KCNH4: variants seen among roughly 807,000 people sequenced by gnomAD.
KCNH4 encodes potassium voltage-gated channel subfamily H member 4.
Under a neutral mutation model 90.7 loss-of-function variants are expected in KCNH4, and 33 were observed. The ratio of observed to expected loss-of-function variants is 0.36; its 90% CI spans 0.28 to 0.49. The LOEUF is 0.49. Ranked by LOEUF, KCNH4 falls within the 20% of genes least tolerant of loss-of-function variation. The pLI is 0.98. For missense variants in KCNH4, 1,044 were observed against 1,387.1 expected (o/e 0.75, Z 3.93); for synonymous variants, 551 against 581.7 (o/e 0.95, Z 0.76).
chr17:42,161,297 G>C (rs1396671078), intron 15 of KCNH4, among the ~76,000 whole-genome samples: 1 of 152,194 alleles, frequency 6.6e-6, no homozygotes, highest in African/African-American at 2.4e-5. Flanking sequence ...CTGAGGCCTT[G>C]AGCGGACTTG....
Position 42,159,904 on chromosome 17 carries a change from A to C in KCNH4, c.*136T>G. 1.7e-6 allele frequency: 1 copy of C among 588,752 alleles called. No homozygotes were observed. The highest frequency in any genetic ancestry group is 2.7e-6 in the Non-Finnish European group (1 of 367,142). The allele number at this position is 588,752 out of a possible 1,614,324, so 36.5% of individuals were successfully genotyped here. On this transcript the variant is annotated 3_prime_UTR_variant, in exon 16 of 17. Coordinates refer to ENST00000264661, the MANE Select transcript of KCNH4 (RefSeq NM_012285.3). ...CGTCAGAGGTAACCACGCTTCATTA[A>C]AAAGTCCAGAAATCCAGAGCCAACC...
intron 16 of KCNH4, among the ~76,000 whole-genome samples, chr17:42,157,585 G>A (rs200978108): frequency 6.6e-6 from 1 of 152,110 alleles, no homozygotes; most frequent in Non-Finnish European, 1.5e-5. Context: ...GTTGGCCCAC[G>A]GTAGCCTGAT....
rs1317349256 is a variant in KCNH4 at position 42,170,265 on chromosome 17, G to T, written c.1232C>A (p.Pro411His). ...GCCGCCCACCGAGCCATTGACATAG[G>T]GCACCTCCAGACGCTTGCCCAACTC... ...LHELGKRLEV[P>H]YVNGSVGGPS... Residue 411 changes from proline to histidine, a missense_variant, in exon 8 of 17, where the codon CCC becomes CAC. Coordinates refer to ENST00000264661, the MANE Select transcript of KCNH4 (RefSeq NM_012285.3). 6.2e-7 allele frequency: 1 copy of T among 1,605,304 alleles called. No homozygotes were observed. Among genetic ancestry groups the T allele is most frequent in the South Asian group, 1.1e-5 (1 of 90,950 alleles).
chr17:42,170,431 C>A, intron 7 of KCNH4, 130 bp from the exon 8 acceptor site: 1 of 757,336 alleles, frequency 1.3e-6, no homozygotes, highest in East Asian at 2.9e-5. Context: ...TGGGGAGTGG[C>A]CTGGGCCTGT....
In KCNH4 at chr17:42,163,928, C is replaced by A; in HGVS notation, c.2155G>T (p.Asp719Tyr). 4 of 1,546,614 alleles carry A rather than the reference C, an allele frequency of 2.6e-6. No individual in the cohort carries two copies. In the South Asian group the frequency reaches 4.8e-5, roughly 18 times the overall value. Residue 719 changes from aspartate (D) to tyrosine (Y), a missense_variant, in exon 13 of 17, where the codon GAC (aspartate) becomes TAC (tyrosine). This residue lies in a region of KCNH4 where 441 missense variants were observed against 512.3 expected (regional missense o/e 0.86). Transcript: ENST00000264661. This position sits in a 1 kb window ranked among gnomAD's most constrained non-coding sequence, Gnocchi z 5.4. ...PRSESLGSSS[D>Y]KTLPSITEAE... ...TCTGTGATGGATGGCAGCGTCTTGT[C>A]TGAGGAGGAGCCGAGGCTTTCTGAG... is the stretch of plus-strand genomic sequence containing the variant.
At chr17:42,178,695 A>C in intron 2 of KCNH4, 98 bp downstream of exon 2, 1 of 1,206,702 alleles carries the variant, frequency 8.3e-7, no homozygotes, top group Non-Finnish European at 1.2e-6. Context: ...AGCTTTTGGC[A>C]GTGTGGGGAC....
chr17:42,166,614 G>T, intron 9 of KCNH4, 68 bp from the exon 10 acceptor site: 2 of 1,540,860 alleles, frequency 1.3e-6, no homozygotes, highest in South Asian at 2.5e-5. Context: ...CAAATGTGCT[G>T]AGCTGTCTTC....
chr17:42,157,787 T>C (rs1408840763), intron 16 of KCNH4, among the ~76,000 whole-genome samples: 1 of 151,916 alleles, frequency 6.6e-6, no homozygotes, highest in Non-Finnish European at 1.5e-5. Flanking sequence ...TTTTAATTTG[T>C]ATAGAGATGG....
At position 42,168,726 on chromosome 17, in the gene KCNH4, C is replaced by T. The variant is rs907367005; in HGVS notation, c.1590+751G>A. Among the ~76,000 whole-genome samples, 3 of 152,038 alleles carry T rather than the reference C, an allele frequency of 2.0e-5. No individual in the cohort carries two copies. In the South Asian group the frequency reaches 6.2e-4, roughly 32 times the overall value. Reference sequence around the variant, plus strand: ...TGTGAACAATACCTCACCCCCCGGGCCCTGTTTGCCTCCCTTTTATTTTAT... The same window carrying T: ...TGTGAACAATACCTCACCCCCCGGGTCCTGTTTGCCTCCCTTTTATTTTAT... On this transcript the variant is annotated intron_variant, in intron 9 of 16. Transcript: ENST00000264661.
intron 16 of KCNH4, among the ~76,000 whole-genome samples, chr17:42,159,229 G>T (rs975695387): frequency 6.6e-6 from 1 of 152,120 alleles, no homozygotes. Context: ...GTTTCTGCAT[G>T]TTGGTCAGGC....
rs367740742 is a variant in KCNH4 at position 42,165,656 on chromosome 17, C to T, written c.1878G>A (p.Pro626=). The T allele has an allele frequency of 2.9e-5, 47 of 1,614,066 alleles. No homozygotes were observed. The African/African-American group carries it at 3.3e-4, about 11-fold the overall frequency. Residue 626 remains proline (P), a synonymous_variant, in exon 11 of 17, where the codon CCG becomes CCA. Transcript: ENST00000264661. Reference sequence around the variant, plus strand: ...CTGCTCCCAACCCAGGCTCCTGCCCCGGCTCAGGGATATCTGCTCCAATCA... The same window carrying T: ...CTGCTCCCAACCCAGGCTCCTGCCCTGGCTCAGGGATATCTGCTCCAATCA... ...GDLIGADIPE[P]GQEPGLGADP...
At chr17:42,170,374 C>T (rs918904571) in intron 7 of KCNH4, 73 bp from the exon 8 acceptor site, 16 of 1,327,768 alleles carry the variant, frequency 1.2e-5, no homozygotes, top group African/African-American at 1.0e-4. Context: ...GAGCCACCTA[C>T]GCTTGACCTT....
chr17:42,160,157 C>T lies in KCNH4; in HGVS notation c.2937G>A (p.Leu979=). 1 of 1,612,540 alleles carries T rather than the reference C, an allele frequency of 6.2e-7. No individual in the cohort carries two copies. The highest frequency in any genetic ancestry group is 8.5e-7 in the Non-Finnish European group (1 of 1,179,100). ...TALLDLRPSI[L]PPYPSEPDPL... ...GGTCAGGCTCTGAGGGGTAGGGGGG[C>T]AATATGGAAGGTCTCAAGTCCAGGA... Residue 979 remains leucine (L), a synonymous_variant, in exon 16 of 17, where the codon TTG becomes TTA. Transcript: ENST00000264661.
chr17:42,170,184 G>T lies in KCNH4; in HGVS notation c.1313C>A (p.Thr438Asn). ...AALYFTLSSL[T>N]SVGFGNVCAN... ...ACACACGTTGCCAAAGCCCACACTGGTGAGGCTGCTTAGAGTGAAGTACAG... is the reference window on the plus strand; with the variant it reads ...ACACACGTTGCCAAAGCCCACACTGTTGAGGCTGCTTAGAGTGAAGTACAG... Residue 438 changes from threonine to asparagine, a missense_variant, in exon 8 of 17, where the codon ACC becomes AAC. Thr to Asn is a moderately conservative substitution (Grantham distance 65). Around this residue, in one of 4 missense-constraint regions of KCNH4, gnomAD observed 318 missense variants for 479.6 expected, o/e 0.66. Transcript: ENST00000264661. The T allele has an allele frequency of 6.2e-7, 1 of 1,613,692 alleles. No individual in the cohort carries two copies. The highest frequency in any genetic ancestry group is 8.5e-7 in the Non-Finnish European group (1 of 1,180,000).
chr17:42,174,052 G>A, intron 6 of KCNH4, among the ~76,000 whole-genome samples: 1 of 152,058 alleles, frequency 6.6e-6, no homozygotes, highest in East Asian at 1.9e-4. Context: ...CCACCTCTGG[G>A]ACTCAAGCAA....
chr17:42,165,387 G>A, intron 11 of KCNH4, 62 bp downstream of exon 11: 1 of 1,591,248 alleles, frequency 6.3e-7, no homozygotes, highest in Non-Finnish European at 8.6e-7. Context: ...CTCTCAGGCT[G>A]GGGAGGTCTG....
intron 11 of KCNH4, 136 bp downstream of exon 11, chr17:42,165,313 G>T: frequency 9.2e-7 from 1 of 1,086,830 alleles, no homozygotes; most frequent in Non-Finnish European, 1.4e-6. Flanking sequence ...GCAGGTAAGG[G>T]GCAATGGAGG....
intron 11 of KCNH4, among the ~76,000 whole-genome samples, chr17:42,164,658 C>T (rs2079773737): frequency 6.6e-6 from 1 of 151,284 alleles, no homozygotes; most frequent in Non-Finnish European, 1.5e-5. Flanking sequence ...TAAAAATTAG[C>T]CAGGCATGGC....
intron 4 of KCNH4, 133 bp downstream of exon 4, chr17:42,177,967 G>T: frequency 9.1e-7 from 1 of 1,099,358 alleles, no homozygotes; most frequent in Non-Finnish European, 1.3e-6. Context: ...AGTAGTATAT[G>T]GGAAATGGGT....
Sources: gnomAD v4.1 joint callset for allele counts (sites outside exome capture counted in the v4.1 genomes callset) on GRCh38, gnomAD v4.1.1 for gene constraint, gnomAD v4.1.1 regional missense constraint, Gnocchi (gnomAD v3.1) non-coding constraint, MANE v1.5 for transcripts, NCBI Gene and HGNC (gene_info 2026-07-23, HGNC 2026-07-21) for gene names.